Variants in PAM observed in about 807,000 individuals in gnomAD.
The protein encoded by PAM is peptidyl-glycine alpha-amidating monooxygenase.
In PAM, 72 loss-of-function variants were observed where a neutral mutation model predicts 122.1. The ratio of observed to expected loss-of-function variants is 0.59; its 90% CI spans 0.49 to 0.72. PAM has a LOEUF of 0.72. Ranked by LOEUF, PAM falls within the 30% of genes least tolerant of loss-of-function variation. The pLI is 0.00. For synonymous variants in PAM, 389 were observed against 404.4 expected, an observed-to-expected ratio of 0.96 and a Z score of 0.46; for missense variants, 1,106 against 1,183.7, an observed-to-expected ratio of 0.93 and a Z score of 0.96.
chr5:102,859,460 T>C (rs1357593019), intron 1 of PAM, among the ~76,000 whole-genome samples: 5 of 152,202 alleles, frequency 3.3e-5, no homozygotes, highest in African/African-American at 1.2e-4. Context: ...AAAGAAAATA[T>C]TTTATATACT....
chr5:102,802,305 AT>A, intron 1 of PAM, among the ~76,000 whole-genome samples: 1 of 152,166 alleles, frequency 6.6e-6, no homozygotes, highest in East Asian at 1.9e-4. Context: ...AGGCTTTATA[AT>A]TTGTGTTTAG....
chr5:102,814,352 A>G (rs927772471), intron 1 of PAM, among the ~76,000 whole-genome samples: 1 of 152,132 alleles, frequency 6.6e-6, no homozygotes, highest in African/African-American at 2.4e-5. Context: ...CCTTATTGCC[A>G]AAAGTCAGTT....
intron 3 of PAM, among the ~76,000 whole-genome samples, chr5:102,893,160 A>T (rs1193216739): frequency 3.3e-5 from 5 of 151,694 alleles, no homozygotes; most frequent in African/African-American, 9.7e-5. Flanking sequence ...ATGGAAAGGG[A>T]GGTCTTACAT....
intron 5 of PAM, among the ~76,000 whole-genome samples, chr5:102,916,486 G>A (rs1469465833): frequency 6.6e-6 from 1 of 151,654 alleles, no homozygotes; most frequent in Non-Finnish European, 1.5e-5. Flanking sequence ...GACAATTGGT[G>A]CTGTTATTCA....
At chr5:103,009,301 AACTTC>A (rs1166330776) in intron 20 of PAM, among the ~76,000 whole-genome samples, 2 of 152,142 alleles carry the variant, frequency 1.3e-5, no homozygotes, top group African/African-American at 4.8e-5. Context: ...TATAGACTGT[AACTTC>A]ACTTATTTTC....
rs114982152 is a variant in PAM, at chr5:103,013,934, A to G, written c.2332-3400A>G. Among the ~76,000 whole-genome samples, 727 of 152,274 alleles carry G rather than the reference A, an allele frequency of 4.8e-3. 8 individuals are homozygous for G. The highest frequency in any genetic ancestry group is 0.016 in the African/African-American group (648 of 41,570). On this transcript the variant is annotated intron_variant, in intron 21 of 25. Transcript: ENST00000438793. ...ATTTTTCTAGAAATATTTCACCAGAAAAGCAATAGGCAATGAAATCTCAAA... is the reference window on the plus strand; with the variant it reads ...ATTTTTCTAGAAATATTTCACCAGAGAAGCAATAGGCAATGAAATCTCAAA...
chr5:102,889,968 T>A (rs1257516700), intron 3 of PAM, among the ~76,000 whole-genome samples: 1 of 151,990 alleles, frequency 6.6e-6, no homozygotes, highest in African/African-American at 2.4e-5. Context: ...AGAGTATTTT[T>A]ATATCTATTT....
intron 1 of PAM, among the ~76,000 whole-genome samples, chr5:102,779,481 C>A (rs1055871527): frequency 2.0e-5 from 3 of 151,926 alleles, no homozygotes; most frequent in Non-Finnish European, 2.9e-5. Flanking sequence ...AAAGTATTCC[C>A]CCCCTTATCT....
chr5:102,945,672 C>G (rs1420916941), intron 7 of PAM, among the ~76,000 whole-genome samples: 4 of 151,898 alleles, frequency 2.6e-5, no homozygotes, highest in African/African-American at 4.8e-5. Flanking sequence ...CTCCTTTTTA[C>G]TTTTATTCTA....
intron 14 of PAM, among the ~76,000 whole-genome samples, chr5:102,970,960 C>G (rs1009895702): frequency 6.6e-6 from 1 of 152,070 alleles, no homozygotes; most frequent in Admixed American, 6.6e-5. Flanking sequence ...GTGCCCACCA[C>G]CACACCTGGC....
At chr5:102,948,959 T>G (rs1757911596) in intron 9 of PAM, among the ~76,000 whole-genome samples, 1 of 152,124 alleles carries the variant, frequency 6.6e-6, no homozygotes. Context: ...CAATATATTT[T>G]ACGATCCTCT....
chr5:102,983,209 C>CT (rs1222424695), intron 15 of PAM, among the ~76,000 whole-genome samples: 2 of 152,002 alleles, frequency 1.3e-5, no homozygotes, highest in Non-Finnish European at 2.9e-5. Flanking sequence ...GTTTGGGAGG[C>CT]TGAGGCGGGT....
intron 1 of PAM, among the ~76,000 whole-genome samples, chr5:102,839,492 T>C (rs13173707): frequency 6.8e-6 from 1 of 148,018 alleles, no homozygotes; most frequent in African/African-American, 2.5e-5. Context: ...AGCCAAGATC[T>C]CTTCACTGTA....
At chr5:102,831,957 C>T (rs1278545454) in intron 1 of PAM, among the ~76,000 whole-genome samples, 2 of 151,954 alleles carry the variant, frequency 1.3e-5, no homozygotes, top group East Asian at 1.9e-4. Context: ...ATGCCACACT[C>T]ATGTTTTCAC....
chr5:102,880,101 C>T (rs924314395), intron 3 of PAM, among the ~76,000 whole-genome samples: 8 of 151,936 alleles, frequency 5.3e-5, no homozygotes, highest in African/African-American at 1.2e-4. Flanking sequence ...GGCAACGTAA[C>T]GAAATTTCAT....
chr5:103,025,308 G>C lies in PAM; in HGVS notation c.2663G>C (p.Arg888Pro). 6.2e-7 allele frequency: 1 copy of C among 1,613,482 alleles called. No homozygotes were observed. Among genetic ancestry groups the C allele is most frequent in the Non-Finnish European group, 8.5e-7 (1 of 1,179,644 alleles). Reference protein sequence around the residue: ...VVLLAIAIFIRWKKSRAFGDS... With the variant: ...VVLLAIAIFIPWKKSRAFGDS... ...CTGCTGGCCATTGCCATATTTATTCGGTGGAAAAAATCAAGGGCCTTTGGA... is the reference window on the plus strand; with the variant it reads ...CTGCTGGCCATTGCCATATTTATTCCGTGGAAAAAATCAAGGGCCTTTGGA... The change falls in exon 24 of 26, where the codon CGG (arginine) becomes CCG (proline). Residue 888 changes from arginine (R) to proline (P), a missense_variant. Physicochemically the swap from Arg to Pro is moderately radical, Grantham distance 103 (BLOSUM62 -2). Around this residue, in one of 3 missense-constraint regions of PAM, gnomAD observed 333 missense variants for 335.6 expected, o/e 0.99. Transcript: ENST00000438793.
At chr5:103,000,285 G>A (rs1777015109) in intron 16 of PAM, among the ~76,000 whole-genome samples, 1 of 152,170 alleles carries the variant, frequency 6.6e-6, no homozygotes, top group Non-Finnish European at 1.5e-5. Flanking sequence ...CTAAAACATA[G>A]CAAGACCTTT....
At chr5:102,883,971 A>G (rs969028984) in intron 3 of PAM, among the ~76,000 whole-genome samples, 3 of 151,808 alleles carry the variant, frequency 2.0e-5, no homozygotes, top group African/African-American at 7.2e-5. Flanking sequence ...TGAGATGATC[A>G]TGTGTTAATC....
intron 7 of PAM, among the ~76,000 whole-genome samples, chr5:102,937,637 A>C (rs1753701734): frequency 1.3e-5 from 2 of 152,210 alleles, no homozygotes; most frequent in Non-Finnish European, 2.9e-5. Flanking sequence ...GAATGAGAAC[A>C]GCCTAACTAA....
Sources: gnomAD v4.1 joint callset for allele counts (sites outside exome capture counted in the v4.1 genomes callset) on GRCh38, gnomAD v4.1.1 for gene constraint, gnomAD v4.1.1 regional missense constraint, MANE v1.5 for transcripts, NCBI Gene and HGNC (gene_info 2026-07-23, HGNC 2026-07-21) for gene names.